ZNG1E: variants seen among roughly 807,000 people sequenced by gnomAD.
ZNG1E encodes Zn regulated GTPase metalloprotein activator 1E.
the ZNG1E span, among the ~76,000 whole-genome samples, chr9:65,678,365 G>A: frequency 7.0e-6 from 1 of 143,360 alleles, no homozygotes; most frequent in Non-Finnish European, 1.5e-5. Context: ...AGCTTTGAAA[G>A]GAATATGACC....
chr9:65,672,223 AAC>A, the ZNG1E span, among the ~76,000 whole-genome samples: 3 of 151,844 alleles, frequency 2.0e-5, no homozygotes, highest in South Asian at 4.2e-4. Flanking sequence ...TAATGTGCTT[AAC>A]ACAGTGCCTA....
At chr9:65,685,073 G>A in the ZNG1E span, among the ~76,000 whole-genome samples, 2 of 141,864 alleles carry the variant, frequency 1.4e-5, no homozygotes, top group African/African-American at 2.6e-5. Flanking sequence ...AAAAAAAGCT[G>A]TGTTTATACT....
chr9:65,684,557 C>T, the ZNG1E span, among the ~76,000 whole-genome samples: 15 of 147,372 alleles, frequency 1.0e-4, no homozygotes, highest in East Asian at 2.3e-3. Context: ...CACGCACACA[C>T]ACACACACAC....
At chr9:65,708,999 CT>C in the ZNG1E span, 17 of 659,752 alleles carry the variant, frequency 2.6e-5, no homozygotes, top group Admixed American at 8.9e-5. Context: ...TGTTATGTAC[CT>C]TTTTTCCCCA....
chr9:65,732,716 A>T, the ZNG1E span: 6 of 1,313,142 alleles, frequency 4.6e-6, no homozygotes, highest in Non-Finnish European at 4.8e-6. Flanking sequence ...GTGATAAAAA[A>T]CACTGAAAAA....
chr9:65,672,449 T>A, the ZNG1E span, among the ~76,000 whole-genome samples: 12 of 143,068 alleles, frequency 8.4e-5, no homozygotes, highest in Non-Finnish European at 6.1e-5. Context: ...TCTTATAAGT[T>A]AAAAAAAAAA....
chr9:65,673,841 C>T, the ZNG1E span, among the ~76,000 whole-genome samples: 1 of 152,292 alleles, frequency 6.6e-6, no homozygotes, highest in Non-Finnish European at 1.5e-5. Context: ...TAACATTCAG[C>T]CAGTGCCATA....
At chr9:65,659,504 A>G in the ZNG1E span, among the ~76,000 whole-genome samples, 1 of 151,518 alleles carries the variant, frequency 6.6e-6, no homozygotes, top group East Asian at 1.9e-4. Flanking sequence ...CAAAAAAAAA[A>G]AAAAAAAAAA....
the ZNG1E span, among the ~76,000 whole-genome samples, chr9:65,674,522 A>G: frequency 6.6e-6 from 1 of 152,274 alleles, no homozygotes; most frequent in Non-Finnish European, 1.5e-5. Flanking sequence ...TGAAAGAGGG[A>G]TAACACTCTA....
chr9:65,659,249 G>A, the ZNG1E span, among the ~76,000 whole-genome samples: 2,602 of 151,852 alleles, frequency 0.017, 1 homozygote, highest in Middle Eastern at 0.068. Flanking sequence ...TGTAATCCCA[G>A]AACTTTAGGA....
chr9:65,657,961 T>C, the ZNG1E span, among the ~76,000 whole-genome samples: 6 of 152,272 alleles, frequency 3.9e-5, no homozygotes, highest in East Asian at 1.9e-4. Context: ...TAGCTGGGCA[T>C]GGCGGCTCAT....
At chr9:65,721,020 A>G in the ZNG1E span, among the ~76,000 whole-genome samples, 1 of 150,760 alleles carries the variant, frequency 6.6e-6, no homozygotes, top group Non-Finnish European at 1.5e-5. Context: ...GGTATCTGTC[A>G]TATAGTTGAA....
the ZNG1E span, among the ~76,000 whole-genome samples, chr9:65,673,928 A>G: frequency 6.6e-6 from 1 of 152,302 alleles, no homozygotes; most frequent in Admixed American, 6.5e-5. Context: ...CTATTCAGGC[A>G]GTAATGCAGT....
At chr9:65,667,129 G>T in the ZNG1E span, among the ~76,000 whole-genome samples, 1 of 152,260 alleles carries the variant, frequency 6.6e-6, no homozygotes, top group East Asian at 1.9e-4. Context: ...CCCACCAGTG[G>T]TATTACCCAG....
the ZNG1E span, among the ~76,000 whole-genome samples, chr9:65,674,408 C>T: frequency 2.0e-5 from 3 of 152,292 alleles, no homozygotes; most frequent in Non-Finnish European, 1.5e-5. Flanking sequence ...AAAAGTCAAC[C>T]TTTTATCTGG....
At chr9:65,725,145 T>TG in the ZNG1E span, among the ~76,000 whole-genome samples, 1 of 146,758 alleles carries the variant, frequency 6.8e-6, no homozygotes, top group African/African-American at 2.7e-5. Flanking sequence ...ATAGCTTAGG[T>TG]GTGTAGTAGG....
chr9:65,657,691 C>T, the ZNG1E span, among the ~76,000 whole-genome samples: 9 of 152,356 alleles, frequency 5.9e-5, no homozygotes, highest in Non-Finnish European at 2.9e-5. Flanking sequence ...ATTTACCATA[C>T]ATTTAAAATA....
At chr9:65,666,276 C>T in the ZNG1E span, among the ~76,000 whole-genome samples, 1 of 150,338 alleles carries the variant, frequency 6.7e-6, no homozygotes, top group East Asian at 1.9e-4. Context: ...AGGCCTTTCT[C>T]ATGCTGTTTT....
the ZNG1E span, among the ~76,000 whole-genome samples, chr9:65,661,478 G>A: frequency 6.6e-6 from 1 of 152,192 alleles, no homozygotes; most frequent in Admixed American, 6.6e-5. Context: ...ATTAACTGAA[G>A]ATCTAAGGCA....
Sources: allele counts gnomAD v4.1 joint callset (sites outside exome capture counted in the v4.1 genomes callset), GRCh38; gene constraint gnomAD v4.1.1; transcripts MANE v1.5; gene names NCBI Gene and HGNC (gene_info 2026-07-23, HGNC 2026-07-21).